Variants in YBX1 observed in about 807,000 individuals in gnomAD.
YBX1 encodes the protein Y-box binding protein 1, also known as Y-box-binding protein 1.
A neutral mutation model predicts 41.4 loss-of-function variants in YBX1; 3 were observed. The ratio of observed to expected loss-of-function variants is 0.07; its 90% CI spans 0.03 to 0.19. The LOEUF is 0.19. Ranked by LOEUF, YBX1 falls within the 10% of genes least tolerant of loss-of-function variation. YBX1 has a pLI of 1.00. For synonymous variants in YBX1, 133 were observed against 165.8 expected (o/e 0.80, Z 1.52); for missense variants, 274 against 462.8 (o/e 0.59, Z 3.74).
At chr1:42,683,583 C>A in intron 2 of YBX1, 117 bp downstream of exon 2, 3 of 1,095,718 alleles carry the variant, frequency 2.7e-6, no homozygotes, top group Non-Finnish European at 4.1e-6. Context: ...GCGTTTACTA[C>A]CTCTGGTGTA....
intron 3 of YBX1, among the ~76,000 whole-genome samples, chr1:42,694,038 T>C (rs1393790254): frequency 1.3e-5 from 2 of 152,120 alleles, no homozygotes; most frequent in Non-Finnish European, 2.9e-5. Flanking sequence ...TGGGTTTTTT[T>C]TTTTTTTAAA....
chr1:42,701,875 C>G (rs1650609436), intron 7 of YBX1, 106 bp from the exon 8 acceptor site: 2 of 152,598 alleles, frequency 1.3e-5, no homozygotes, highest in East Asian at 1.9e-4. Context: ...GGCAAGAGAT[C>G]TGTTAATGTC....
At chr1:42,682,836 C>T (rs1479153201) in intron 1 of YBX1, 105 bp downstream of exon 1, 5 of 666,822 alleles carry the variant, frequency 7.5e-6, no homozygotes, top group Non-Finnish European at 8.1e-6. Context: ...TGGGCACCGA[C>T]TCCGCGGCGC....
In YBX1 at chr1:42,702,959, G is replaced by T. The variant is rs1650641363; in HGVS notation, c.*1010G>T. 6.6e-6 allele frequency among the ~76,000 whole-genome samples: 1 copy of T among 152,122 alleles called. No homozygotes were observed. The highest frequency in any genetic ancestry group is 2.1e-4 in the South Asian group (1 of 4,818). ...TTTTCTCTTTTTGAGACGGAGTCTT[G>T]TTCTGTCATCAGGCTGGAGTACAGT... is the stretch of plus-strand genomic sequence containing the variant. On this transcript the variant is annotated 3_prime_UTR_variant, in exon 8 of 8. Coordinates refer to ENST00000321358, the MANE Select transcript of YBX1 (RefSeq NM_004559.5).
At chr1:42,688,593 GTT>G in intron 2 of YBX1, among the ~76,000 whole-genome samples, 1 of 152,292 alleles carries the variant, frequency 6.6e-6, no homozygotes, top group East Asian at 1.9e-4. Flanking sequence ...CACATGAACA[GTT>G]TATCTCTCCA....
intron 2 of YBX1, among the ~76,000 whole-genome samples, chr1:42,688,009 G>A (rs1374872701): frequency 6.6e-6 from 1 of 152,192 alleles, no homozygotes; most frequent in East Asian, 1.9e-4. Context: ...GAGACATTAG[G>A]AGAGATTTGT....
chr1:42,692,357 G>A (rs1029889206), intron 2 of YBX1, among the ~76,000 whole-genome samples: 2 of 152,122 alleles, frequency 1.3e-5, no homozygotes, highest in African/African-American at 4.8e-5. Context: ...ATTAGGTACA[G>A]CCATCATTTC....
chr1:42,688,667 T>C (rs1483470633), intron 2 of YBX1, among the ~76,000 whole-genome samples: 4 of 152,172 alleles, frequency 2.6e-5, no homozygotes, highest in African/African-American at 9.7e-5. Flanking sequence ...AGTGCAATAC[T>C]GTAAGTCTTC....
Position 42,693,511 on chromosome 1 carries a change from A to G in YBX1, c.252A>G (p.Val84=), listed in dbSNP as rs531911756. 8 of 1,613,828 alleles carry G rather than the reference A, an allele frequency of 5.0e-6. No homozygotes were observed. In the African/African-American group the frequency reaches 6.7e-5, roughly 13 times the overall value. The change falls in exon 3 of 8, where the codon GTA becomes GTG. Residue 84 remains valine (V), a synonymous_variant. Transcript: ENST00000321358. ...GCAGGAATGACACCAAGGAAGATGT[A>G]TTTGTACACCAGGTGAGTGCTTGTG... The part of the protein sequence containing the change: ...FINRNDTKED[V]FVHQTAIKKN...
chr1:42,695,863 A>AG (rs1491242498), intron 3 of YBX1, among the ~76,000 whole-genome samples: 1 of 151,908 alleles, frequency 6.6e-6, no homozygotes, highest in Non-Finnish European at 1.5e-5. Context: ...TGCAGTCCTC[A>AG]GGGGATAGAT....
At position 42,696,522 on chromosome 1, in the gene YBX1, C is replaced by CCGGGGG; in HGVS notation, c.355-120_355-119insCGGGGG. 4 of 637,556 alleles carry CCGGGGG rather than the reference C, an allele frequency of 6.3e-6. No homozygotes were observed. The highest frequency in any genetic ancestry group is 9.5e-6 in the Non-Finnish European group (4 of 420,678). 39.5% of individuals were successfully genotyped at this position (637,556 alleles called of 1,614,324 possible). On this transcript the variant is annotated intron_variant, in intron 4 of 7. Coordinates refer to ENST00000321358, the MANE Select transcript of YBX1 (RefSeq NM_004559.5). The surrounding 1 kb of genome is among the most constrained non-coding windows in gnomAD (Gnocchi z 5.7). The stretch of plus-strand genomic sequence containing the variant: ...GGTCACGCAGTTGCGCCCCCCCCCC[C>CCGGGGG]TTTTTTTTCCTTAACTTTGTTGTTT...
At chr1:42,692,876 A>G (rs981453595) in intron 2 of YBX1, among the ~76,000 whole-genome samples, 1 of 152,300 alleles carries the variant, frequency 6.6e-6, no homozygotes, top group East Asian at 1.9e-4. Context: ...AGAGATCTCA[A>G]ATGTCTTTTT....
chr1:42,693,166 C>G (rs536486833), intron 2 of YBX1, among the ~76,000 whole-genome samples: 18 of 152,070 alleles, frequency 1.2e-4, no homozygotes, highest in African/African-American at 4.3e-4. Context: ...GGAGGGTGTG[C>G]TAGAACAGTT....
In YBX1 at chr1:42,683,411, G is replaced by A. The variant is rs1426728910; in HGVS notation, c.175G>A (p.Val59Ile). 1 of 1,614,230 alleles carries A rather than the reference G, an allele frequency of 6.2e-7. No individual in the cohort carries two copies. Residue 59 changes from valine to isoleucine, a missense_variant, in exon 2 of 8, where the codon GTT becomes ATT. This residue lies in a region of YBX1 where 84 missense variants were observed against 130.8 expected (regional missense o/e 0.64). Transcript: ENST00000321358. ...TTTGTTTTCTTTTCCAGCAACGAAG[G>A]TTTTGGGAACAGTAAAATGGTTCAA... is the stretch of plus-strand genomic sequence containing the variant. Reference protein sequence around the residue: ...GGDKKVIATKVLGTVKWFNVR... With the variant: ...GGDKKVIATKILGTVKWFNVR...
chr1:42,693,404 G>T, intron 2 of YBX1, 86 bp from the exon 3 acceptor site: 1 of 1,491,544 alleles, frequency 6.7e-7, no homozygotes. Context: ...CTAATTGGCA[G>T]CCAGAGAGTC....
At position 42,696,565 on chromosome 1, in the gene YBX1, T is replaced by G; in HGVS notation, c.355-77T>G. 9.9e-7 allele frequency: 1 copy of G among 1,014,394 alleles called. No individual in the cohort carries two copies. Among genetic ancestry groups the G allele is most frequent in the Non-Finnish European group, 1.3e-6 (1 of 764,222 alleles). 62.8% of individuals were successfully genotyped at this position (1,014,394 alleles called of 1,614,324 possible). ...TGTTGTTTTTTGCTTTGTTTGAAAATGTTCTGATTTCCTTTTGAAAGTGTT... is the reference window on the plus strand; with the variant it reads ...TGTTGTTTTTTGCTTTGTTTGAAAAGGTTCTGATTTCCTTTTGAAAGTGTT... On this transcript the variant is annotated intron_variant, in intron 4 of 7. Transcript: ENST00000321358. The surrounding 1 kb of genome is among the most constrained non-coding windows in gnomAD (Gnocchi z 5.7).
Position 42,700,845 on chromosome 1 carries a change from G to T in YBX1, c.805G>T (p.Asp269Tyr), listed in dbSNP as rs994508865. The T allele has an allele frequency of 1.9e-6, 3 of 1,613,386 alleles. No homozygotes were observed. The South Asian group carries it at 3.3e-5, about 18-fold the overall frequency. The part of the protein sequence containing the change: ...GNEEDKENQG[D>Y]ETQGQQPPQR... ...TGAAGAAGATAAAGAAAATCAAGGA[G>T]ATGAGACCCAAGGTCAGCAGCCACC... Residue 269 changes from aspartate to tyrosine, a missense_variant, in exon 7 of 8, where the codon GAT (aspartate) becomes TAT (tyrosine). By Grantham distance (160) the Asp-to-Tyr change is radical. Around this residue, in one of 3 missense-constraint regions of YBX1, gnomAD observed 187 missense variants for 306.3 expected, o/e 0.61. Coordinates refer to ENST00000321358, the MANE Select transcript of YBX1 (RefSeq NM_004559.5).
Position 42,700,958 on chromosome 1 carries a change from C to G in YBX1, c.918C>G (p.Ala306=), listed in dbSNP as rs767961624. 23 of 1,613,972 alleles carry G rather than the reference C, an allele frequency of 1.4e-5. No individual in the cohort carries two copies. Among genetic ancestry groups the G allele is most frequent in the Non-Finnish European group, 1.4e-5 (17 of 1,180,022 alleles). The change falls in exon 7 of 8, where the codon GCC becomes GCG. Residue 306 remains alanine, a synonymous_variant. Coordinates refer to ENST00000321358, the MANE Select transcript of YBX1 (RefSeq NM_004559.5). ...KPQDGKETKA[A]DPPAENSSAP... ...AAGATGGCAAAGAGACAAAAGCAGC[C>G]GATCCACCAGCTGAGAATTCGTCCG... is the stretch of plus-strand genomic sequence containing the variant.
chr1:42,685,588 G>A (rs1262180767), intron 2 of YBX1, among the ~76,000 whole-genome samples: 1 of 152,180 alleles, frequency 6.6e-6, no homozygotes, highest in Non-Finnish European at 1.5e-5. Context: ...TTGGCTGGAG[G>A]CACCTGTCTC....
Sources: allele counts gnomAD v4.1 joint callset (sites outside exome capture counted in the v4.1 genomes callset), GRCh38; gene constraint gnomAD v4.1.1; regional missense constraint gnomAD v4.1.1; non-coding constraint Gnocchi (gnomAD v3.1); transcripts MANE v1.5; gene names NCBI Gene and HGNC (gene_info 2026-07-23, HGNC 2026-07-21).